SETD2: variants seen among roughly 807,000 people sequenced by gnomAD.
SETD2 encodes the protein SET domain containing 2, histone lysine methyltransferase, also known as histone-lysine N-methyltransferase SETD2.
A neutral mutation model predicts 242.1 loss-of-function variants in SETD2; 31 were observed. The ratio of observed to expected loss-of-function variants is 0.13; its 90% CI spans 0.10 to 0.17. SETD2 has a LOEUF of 0.17. SETD2 is among the 10% of genes least tolerant of loss of function. The pLI, the probability that SETD2 is intolerant of heterozygous loss-of-function variation, is 1.00. For missense variants in SETD2, 2,481 were observed against 3,046.3 expected (o/e 0.81, Z 4.37); for synonymous variants, 1,006 against 1,066.5 (o/e 0.94, Z 1.11).
At chr3:47,135,092 T>TA (rs2043563087) in intron 1 of SETD2, among the ~76,000 whole-genome samples, 1 of 152,190 alleles carries the variant, frequency 6.6e-6, no homozygotes, top group Admixed American at 6.5e-5. Flanking sequence ...ATTTCATACT[T>TA]ACTTGAAGTA....
intron 15 of SETD2, among the ~76,000 whole-genome samples, chr3:47,049,331 A>G (rs1356019300): frequency 1.4e-4 from 3 of 20,772 alleles, no homozygotes; most frequent in African/African-American, 9.2e-4. Flanking sequence ...ATATATATAT[A>G]TATATATATA....
chr3:47,075,059 A>G (rs1419813005), intron 12 of SETD2, among the ~76,000 whole-genome samples: 2 of 151,620 alleles, frequency 1.3e-5, no homozygotes, highest in African/African-American at 2.4e-5. Flanking sequence ...GCGTGAACCC[A>G]GGAGGTGGAG....
chr3:47,157,217 C>T (rs968443021), intron 1 of SETD2, among the ~76,000 whole-genome samples: 2 of 151,760 alleles, frequency 1.3e-5, no homozygotes, highest in African/African-American at 2.4e-5. Flanking sequence ...GAGCCATCAT[C>T]GCGCCACTGC....
chr3:47,026,690 A>T (rs944151043), intron 18 of SETD2, among the ~76,000 whole-genome samples: 2 of 123,666 alleles, frequency 1.6e-5, no homozygotes, highest in Non-Finnish European at 3.6e-5. Flanking sequence ...CATTCTCAGC[A>T]AAATAACACA....
At chr3:47,119,978 G>A (rs1437199643) in intron 3 of SETD2, among the ~76,000 whole-genome samples, 1 of 151,926 alleles carries the variant, frequency 6.6e-6, no homozygotes, top group African/African-American at 2.4e-5. Flanking sequence ...CTCCTTTCCT[G>A]GGGATGGGGC....
At chr3:47,155,043 A>G (rs1333381542) in intron 1 of SETD2, among the ~76,000 whole-genome samples, 1 of 152,194 alleles carries the variant, frequency 6.6e-6, no homozygotes, top group East Asian at 1.9e-4. Flanking sequence ...ATTGTTTTTA[A>G]AATATCACAT....
Position 47,045,660 on chromosome 3 carries a change from T to G in SETD2, c.7098+827A>C, listed in dbSNP as rs558957880. 2.1e-5 allele frequency among the ~76,000 whole-genome samples: 3 copies of G among 145,900 alleles called. No individual in the cohort carries two copies. In the South Asian group the frequency reaches 6.8e-4, roughly 33 times the overall value. On this transcript the variant is annotated intron_variant, in intron 16 of 20. Transcript: ENST00000409792. Reference sequence around the variant, plus strand: ...TTGCAGTGAGCCAAGATCGTGTCACTGCACTCCAGCCTAGGTGACAGAGTT... The same window carrying G: ...TTGCAGTGAGCCAAGATCGTGTCACGGCACTCCAGCCTAGGTGACAGAGTT...
chr3:47,039,884 CAAA>C (rs201543639), intron 17 of SETD2, among the ~76,000 whole-genome samples: 5 of 75,010 alleles, frequency 6.7e-5, no homozygotes, highest in Non-Finnish European at 1.1e-4. Flanking sequence ...AACTCTGTCT[CAAA>C]AAAAAAAAAA....
intron 16 of SETD2, among the ~76,000 whole-genome samples, chr3:47,045,474 T>C (rs894879101): frequency 1.4e-5 from 2 of 145,512 alleles, no homozygotes; most frequent in Non-Finnish European, 3.0e-5. Context: ...GCCGAGATCA[T>C]GCCACTGCAC....
chr3:47,105,760 AG>A, intron 6 of SETD2: 1 of 443,690 alleles, frequency 2.3e-6, no homozygotes, highest in Non-Finnish European at 4.3e-6. Context: ...AAAATTAGCA[AG>A]GCGTGGTGGC....
At position 47,113,997 on chromosome 3, in the gene SETD2, G is replaced by A. The variant is rs2042757539; in HGVS notation, c.4594C>T (p.Arg1532Trp). 6.2e-7 allele frequency: 1 copy of A among 1,604,076 alleles called. No homozygotes were observed. The highest frequency in any genetic ancestry group is 8.5e-7 in the Non-Finnish European group (1 of 1,177,086). Residue 1532 changes from arginine to tryptophan, a missense_variant, in exon 5 of 21, where the codon CGG becomes TGG. Physicochemically the swap from Arg to Trp is moderately radical, Grantham distance 101. Around this residue, in one of 17 missense-constraint regions of SETD2, gnomAD observed 61 missense variants for 221.4 expected, o/e 0.28. Transcript: ENST00000409792. ...NRLLMIECSSRCPNGDYCSNR... is the reference protein window; with the variant it reads ...NRLLMIECSSWCPNGDYCSNR... ...GAACAATAATCCCCATTTGGACACCGAGAAGAACTGAAATGAGAAAAGGAG... is the reference window on the plus strand; with the variant it reads ...GAACAATAATCCCCATTTGGACACCAAGAAGAACTGAAATGAGAAAAGGAG...
Position 47,123,009 on chromosome 3 carries a change from A to T in SETD2, c.1627T>A (p.Ser543Thr), listed in dbSNP as rs1461245661. Reference protein sequence around the residue: ...PPNELGFRRGSSYSKHDSSAS... With the variant: ...PPNELGFRRGTSYSKHDSSAS... ...CTACTGTCATGCTTAGAATATGATG[A>T]CCCTCGTCGGAATCCCAGTTCATTA... Residue 543 changes from serine to threonine, a missense_variant, in exon 3 of 21, where the codon TCA becomes ACA. Around this residue, in one of 17 missense-constraint regions of SETD2, gnomAD observed 1,300 missense variants for 1,259.2 expected, o/e 1.03. Coordinates refer to ENST00000409792, the MANE Select transcript of SETD2 (RefSeq NM_014159.7). 6.2e-7 allele frequency: 1 copy of T among 1,613,926 alleles called. No individual in the cohort carries two copies. The highest frequency in any genetic ancestry group is 1.6e-4 in the Middle Eastern group (1 of 6,062).
At position 47,123,382 on chromosome 3, in the gene SETD2, G is replaced by A. The variant is rs2106702390; in HGVS notation, c.1254C>T (p.Ser418=). Residue 418 remains serine (S), a synonymous_variant, in exon 3 of 21, where the codon TCC becomes TCT. Transcript: ENST00000409792. ...RSERGSRTNL[S]YSRSERSHYY... is the part of the protein sequence containing the mutation. The stretch of plus-strand genomic sequence containing the variant: ...AATGAGATCGTTCTGACCTGGAATA[G>A]GATAAATTAGTTCTAGAGCCTCTCT... 1.9e-6 allele frequency: 3 copies of A among 1,551,648 alleles called. No individual in the cohort carries two copies. The highest frequency in any genetic ancestry group is 1.7e-6 in the Non-Finnish European group (2 of 1,146,978).
At chr3:47,071,455 TAAACTCA>T (rs1444099582) in intron 12 of SETD2, among the ~76,000 whole-genome samples, 1 of 152,198 alleles carries the variant, frequency 6.6e-6, no homozygotes, top group African/African-American at 2.4e-5. Flanking sequence ...CAGTGCTACA[TAAACTCA>T]AAATACTGCA....
At chr3:47,043,619 T>C (rs770820463) in intron 16 of SETD2, among the ~76,000 whole-genome samples, 5 of 152,204 alleles carry the variant, frequency 3.3e-5, no homozygotes, top group Non-Finnish European at 5.9e-5. Flanking sequence ...ATTTTTTACC[T>C]TTACCTTTGC....
chr3:47,085,575 A>G (rs1370798134), intron 11 of SETD2, among the ~76,000 whole-genome samples: 1 of 152,238 alleles, frequency 6.6e-6, no homozygotes, highest in Non-Finnish European at 1.5e-5. Context: ...TGGGAGAAGG[A>G]CAGAGGCAAG....
chr3:47,163,995 G>A lies in SETD2; in HGVS notation c.-71C>T, dbSNP rs985394369. On this transcript the variant is annotated 5_prime_UTR_variant, in exon 1 of 21. Transcript: ENST00000409792. ...GGCGACGCGGGGGAGGGGAGGGGAG[G>A]AGGCCGCAGGTCCGACCGCGGCGGC... 8.1e-6 allele frequency: 10 copies of A among 1,238,354 alleles called. No homozygotes were observed. Among genetic ancestry groups the A allele is most frequent in the African/African-American group, 4.9e-5 (3 of 61,264 alleles). 76.7% of individuals were successfully genotyped at this position (1,238,354 alleles called of 1,614,324 possible). A position where few individuals can be genotyped will look rare whatever the true frequency, so the allele number is the denominator to read the frequency against.
intron 5 of SETD2, 129 bp downstream of exon 5, chr3:47,113,744 CAGG>C: frequency 2.7e-6 from 2 of 744,938 alleles, no homozygotes; most frequent in Non-Finnish European, 4.2e-6. Flanking sequence ...GAGGCTAAGG[CAGG>C]AGAATTGCTT....
At chr3:47,139,928 T>C (rs1269865700) in intron 1 of SETD2, among the ~76,000 whole-genome samples, 1 of 152,146 alleles carries the variant, frequency 6.6e-6, no homozygotes, top group Non-Finnish European at 1.5e-5. Flanking sequence ...CTTCAACTGG[T>C]ATAGTATCTC....
Sources: allele counts gnomAD v4.1 joint callset (sites outside exome capture counted in the v4.1 genomes callset), GRCh38; gene constraint gnomAD v4.1.1; regional missense constraint gnomAD v4.1.1; transcripts MANE v1.5; gene names NCBI Gene and HGNC (gene_info 2026-07-23, HGNC 2026-07-21).